Variants in CNTNAP5 observed in about 807,000 individuals in gnomAD.
CNTNAP5 encodes the protein contactin-associated protein-like 5.
CNTNAP5 carries 72 observed loss-of-function variants against 150.2 expected under a neutral mutation model. The observed-to-expected ratio is 0.48, with a 90% CI of 0.40 to 0.58. CNTNAP5 has a LOEUF of 0.58. Among genes scored for constraint, CNTNAP5 ranks in the 20% least tolerant of loss-of-function variants. CNTNAP5 has a pLI of 0.00. For synonymous variants in CNTNAP5, 672 were observed against 619.8 expected, an observed-to-expected ratio of 1.08 and a Z score of -1.25; for missense variants, 1,636 against 1,626.2, an observed-to-expected ratio of 1.01 and a Z score of -0.10.
intron 14 of CNTNAP5, among the ~76,000 whole-genome samples, chr2:124,752,989 C>A (rs1162926120): frequency 1.3e-5 from 2 of 152,196 alleles, no homozygotes; most frequent in African/African-American, 4.8e-5. Flanking sequence ...CTCATCCAAA[C>A]AACCAGGTTG....
intron 1 of CNTNAP5, among the ~76,000 whole-genome samples, chr2:124,062,567 C>G (rs1218685677): frequency 6.6e-6 from 1 of 152,128 alleles, no homozygotes; most frequent in African/African-American, 2.4e-5. Context: ...TTTAATCTCC[C>G]TCCCCTACTC....
chr2:124,648,298 G>A (rs1678248508), intron 13 of CNTNAP5, among the ~76,000 whole-genome samples: 2 of 152,156 alleles, frequency 1.3e-5, no homozygotes, highest in Admixed American at 1.3e-4. Flanking sequence ...GTGGCCATGG[G>A]AAATGCTAGT....
chr2:124,126,568 C>T (rs184670902), intron 1 of CNTNAP5, among the ~76,000 whole-genome samples: 20 of 152,216 alleles, frequency 1.3e-4, no homozygotes, highest in African/African-American at 4.1e-4. Context: ...ATGAGGCCAG[C>T]AGCATCCTGA....
At chr2:124,345,170 A>G (rs1027041101) in intron 3 of CNTNAP5, among the ~76,000 whole-genome samples, 17 of 152,228 alleles carry the variant, frequency 1.1e-4, no homozygotes, top group Admixed American at 8.5e-4. Context: ...AGTCCTTTGT[A>G]TGGAAAGCAA....
In CNTNAP5 at chr2:124,823,464, G is replaced by A. The variant is rs549240921; in HGVS notation, c.3217+25144G>A. 7.9e-5 allele frequency among the ~76,000 whole-genome samples: 12 copies of A among 152,262 alleles called. No individual in the cohort carries two copies. The South Asian group carries it at 1.0e-3, about 13-fold the overall frequency. On this transcript the variant is annotated intron_variant, in intron 19 of 23. Transcript: ENST00000682447. Reference sequence around the variant, plus strand: ...ACCAGCTCCATGCCCTACTGGTTACGTACAGAAAGAGTAACAGACTAAGGT... The same window carrying A: ...ACCAGCTCCATGCCCTACTGGTTACATACAGAAAGAGTAACAGACTAAGGT...
intron 12 of CNTNAP5, among the ~76,000 whole-genome samples, chr2:124,621,828 T>C (rs1219455859): frequency 6.6e-6 from 1 of 152,166 alleles, no homozygotes; most frequent in Non-Finnish European, 1.5e-5. Flanking sequence ...ATGTTGTTAA[T>C]TTTGCCAGCT....
intron 3 of CNTNAP5, among the ~76,000 whole-genome samples, chr2:124,358,069 A>G (rs1307008606): frequency 6.6e-6 from 1 of 152,136 alleles, no homozygotes; most frequent in African/African-American, 2.4e-5. Flanking sequence ...CTTTGAAGCA[A>G]CTGTGAATGG....
chr2:124,121,056 T>G (rs537653020), intron 1 of CNTNAP5, among the ~76,000 whole-genome samples: 10 of 152,136 alleles, frequency 6.6e-5, no homozygotes, highest in Non-Finnish European at 1.5e-4. Flanking sequence ...AGGTTCAGTG[T>G]GTTCCCTGCC....
intron 11 of CNTNAP5, among the ~76,000 whole-genome samples, chr2:124,564,868 A>G (rs1485906822): frequency 6.6e-6 from 1 of 152,220 alleles, no homozygotes; most frequent in Non-Finnish European, 1.5e-5. Flanking sequence ...GTAGAAGGGT[A>G]AGATAAACAT....
chr2:124,437,893 T>C (rs1028020429), intron 5 of CNTNAP5, among the ~76,000 whole-genome samples: 1 of 152,174 alleles, frequency 6.6e-6, no homozygotes, highest in Non-Finnish European at 1.5e-5. Flanking sequence ...TATATGGACA[T>C]TTCAGCAGTG....
chr2:124,341,564 T>C (rs1356568161), intron 3 of CNTNAP5, among the ~76,000 whole-genome samples: 1 of 152,176 alleles, frequency 6.6e-6, no homozygotes, highest in Non-Finnish European at 1.5e-5. Context: ...AACAATTGTG[T>C]CTTATTTCAG....
At chr2:124,117,208 CTGAGGTCTATTCTGGAGGCTTT>C (rs1683448879) in intron 1 of CNTNAP5, among the ~76,000 whole-genome samples, 1 of 152,162 alleles carries the variant, frequency 6.6e-6, no homozygotes, top group African/African-American at 2.4e-5. Context: ...GGGCAGAAAC[CTGAGGTCTATTCTGGAGGCTTT>C]ATCTGAATTT....
At chr2:124,080,825 C>A (rs1187487215) in intron 1 of CNTNAP5, among the ~76,000 whole-genome samples, 1 of 152,152 alleles carries the variant, frequency 6.6e-6, no homozygotes, top group Non-Finnish European at 1.5e-5. Context: ...TCTTCAAGAA[C>A]AACCTTAAAA....
chr2:124,187,163 GA>G (rs1202920477), intron 1 of CNTNAP5, among the ~76,000 whole-genome samples: 2 of 151,912 alleles, frequency 1.3e-5, no homozygotes. Flanking sequence ...AACCTGGAAG[GA>G]AAAAAAGAAA....
chr2:124,187,507 G>A (rs531276173), intron 1 of CNTNAP5, among the ~76,000 whole-genome samples: 6 of 152,334 alleles, frequency 3.9e-5, no homozygotes, highest in South Asian at 2.1e-4. Context: ...GGGGACAAGA[G>A]AAGCAGGAGA....
At chr2:124,050,461 C>G (rs1193172514) in intron 1 of CNTNAP5, among the ~76,000 whole-genome samples, 3 of 151,816 alleles carry the variant, frequency 2.0e-5, no homozygotes, top group African/African-American at 7.3e-5. Context: ...GAGGCCCTGT[C>G]TCAAAAAATA....
intron 16 of CNTNAP5, among the ~76,000 whole-genome samples, chr2:124,770,909 G>T (rs1479647882): frequency 1.3e-5 from 2 of 152,168 alleles, no homozygotes; most frequent in African/African-American, 4.8e-5. Context: ...CCATTTTACA[G>T]ACAAGAAAAT....
At chr2:124,329,517 G>T (rs1267229563) in intron 3 of CNTNAP5, among the ~76,000 whole-genome samples, 1 of 152,086 alleles carries the variant, frequency 6.6e-6, no homozygotes, top group African/African-American at 2.4e-5. Flanking sequence ...ATTCAAAGGT[G>T]CTCAGCATGC....
intron 13 of CNTNAP5, among the ~76,000 whole-genome samples, chr2:124,734,639 A>T (rs1215536385): frequency 6.6e-6 from 1 of 152,036 alleles, no homozygotes; most frequent in Non-Finnish European, 1.5e-5. Flanking sequence ...AATTCTAATA[A>T]GAATAACCAG....
Sources: allele counts gnomAD v4.1 joint callset (sites outside exome capture counted in the v4.1 genomes callset), GRCh38; gene constraint gnomAD v4.1.1; transcripts MANE v1.5; gene names NCBI Gene and HGNC (gene_info 2026-07-23, HGNC 2026-07-21).